TAF2: variants seen among roughly 807,000 people sequenced by gnomAD.
TAF2 encodes transcription initiation factor TFIID subunit 2.
Under a neutral mutation model 138.5 loss-of-function variants are expected in TAF2, and 61 were observed. That is an observed-to-expected ratio of 0.44 (90% CI 0.36 to 0.54). The LOEUF (loss-of-function observed/expected upper bound fraction) is 0.54. TAF2 is among the 20% of genes least tolerant of loss of function. TAF2 has a pLI of 0.00. For synonymous variants in TAF2, 475 were observed against 469.9 expected (o/e 1.01, Z -0.14); for missense variants, 1,090 against 1,427.9 (o/e 0.76, Z 3.81).
chr8:119,787,056 G>T (rs925296800), intron 14 of TAF2, among the ~76,000 whole-genome samples: 1 of 152,174 alleles, frequency 6.6e-6, no homozygotes, highest in African/African-American at 2.4e-5. Context: ...TGACAAATGG[G>T]ATCTAATGAA....
At position 119,832,837 on chromosome 8, in the gene TAF2, C is replaced by T. The variant is rs1263151499; in HGVS notation, c.-273G>A. ...CCATCCGCCGACATCTTGTCTGTAA[C>T]CTCTGACCTCCGACGTCAGCGGAAG... On this transcript the variant is annotated 5_prime_UTR_variant, in exon 1 of 26. Transcript: ENST00000378164. 9.6e-6 allele frequency: 4 copies of T among 418,788 alleles called. No individual in the cohort carries two copies. The highest frequency in any genetic ancestry group is 8.1e-5 in the African/African-American group (4 of 49,520). The allele number at this position is 418,788 out of a possible 1,614,324, so 25.9% of individuals were successfully genotyped here. A position where few individuals can be genotyped will look rare whatever the true frequency, so the allele number is the denominator to read the frequency against.
At chr8:119,832,277 T>C (rs903436652) in intron 1 of TAF2, among the ~76,000 whole-genome samples, 1 of 152,158 alleles carries the variant, frequency 6.6e-6, no homozygotes, top group East Asian at 1.9e-4. Context: ...ACAAAAACTT[T>C]AGTAACTTGC....
chr8:119,800,378 C>T (rs368539017), intron 6 of TAF2, among the ~76,000 whole-genome samples: 143 of 152,218 alleles, frequency 9.4e-4, no homozygotes, highest in African/African-American at 3.4e-3. Flanking sequence ...CCAGTTTTCC[C>T]AGCACCATTT....
intron 25 of TAF2, among the ~76,000 whole-genome samples, chr8:119,737,667 C>A (rs1382894761): frequency 6.6e-6 from 1 of 151,820 alleles, no homozygotes; most frequent in Non-Finnish European, 1.5e-5. Context: ...TACCACCATG[C>A]CCAGCTAATT....
At chr8:119,816,180 A>G (rs1825459741) in intron 3 of TAF2, among the ~76,000 whole-genome samples, 1 of 150,984 alleles carries the variant, frequency 6.6e-6, no homozygotes, top group South Asian at 2.1e-4. Flanking sequence ...CCTCCCAAGT[A>G]GCTGGGACTA....
rs1818919605 is a variant in TAF2, at chr8:119,732,164, C to T, written c.3360G>A (p.Glu1120=). Residue 1120 remains glutamate, a synonymous_variant, in exon 26 of 26, where the codon GAG becomes GAA. Coordinates refer to ENST00000378164, the MANE Select transcript of TAF2 (RefSeq NM_003184.4). ...KGTGKEQAPL[E]MSMHPAASAP... ...CGCTTGCCGCTGGATGCATACTCAT[C>T]TCCAAAGGTGCTTGTTCTTTACCTT... 6.2e-7 allele frequency: 1 copy of T among 1,614,174 alleles called. No homozygotes were observed. The highest frequency in any genetic ancestry group is 8.5e-7 in the Non-Finnish European group (1 of 1,180,018).
chr8:119,734,237 T>C lies in TAF2; in HGVS notation c.3338-2051A>G, dbSNP rs533438975. 9.3e-4 allele frequency among the ~76,000 whole-genome samples: 141 copies of C among 152,304 alleles called. 1 individual carries two copies. The highest frequency in any genetic ancestry group is 3.2e-3 in the African/African-American group (135 of 41,564). ...ACTGACAGTACAAAAGATAAACTCC[T>C]TGGACTTCAGTGAAGGAATTTCTGA... On this transcript the variant is annotated intron_variant, in intron 25 of 25. Coordinates refer to ENST00000378164, the MANE Select transcript of TAF2 (RefSeq NM_003184.4).
At chr8:119,815,757 G>A (rs1825421005) in intron 3 of TAF2, among the ~76,000 whole-genome samples, 1 of 152,158 alleles carries the variant, frequency 6.6e-6, no homozygotes, top group Admixed American at 6.5e-5. Flanking sequence ...TGTAGCTCCT[G>A]TGGAGACAAT....
chr8:119,788,411 A>G lies in TAF2; in HGVS notation c.1720T>C (p.Ser574Pro). 1.2e-6 allele frequency: 2 copies of G among 1,613,526 alleles called. No homozygotes were observed. Among genetic ancestry groups the G allele is most frequent in the South Asian group, 2.2e-5 (2 of 91,060 alleles). ...LKVTVQELDGSFNHTLQIEEN... is the reference protein window; with the variant it reads ...LKVTVQELDGPFNHTLQIEEN... ...TCAATTTGCAGTGTATGATTGAAGG[A>G]TCCATCTAACTCCTGCACTGTCACT... Residue 574 changes from serine (S) to proline (P), a missense_variant, in exon 14 of 26, where the codon TCC becomes CCC. Ser to Pro is a moderately conservative substitution (Grantham distance 74, BLOSUM62 -1). Transcript: ENST00000378164.
chr8:119,796,474 G>A lies in TAF2; in HGVS notation c.1091+516C>T, dbSNP rs907437399. ...TCTTTCAACAAACTGGTACAAAGCT[G>A]AGCACTAGTAGGCAAATCCCTAAAT... On this transcript the variant is annotated intron_variant, in intron 8 of 25. Coordinates refer to ENST00000378164, the MANE Select transcript of TAF2 (RefSeq NM_003184.4). Among the ~76,000 whole-genome samples the A allele has an allele frequency of 1.7e-4, 26 of 152,062 alleles. 1 individual carries two copies. The highest frequency in any genetic ancestry group is 5.1e-4 in the African/African-American group (21 of 41,426).
intron 2 of TAF2, among the ~76,000 whole-genome samples, chr8:119,827,169 A>G (rs1826155183): frequency 6.6e-6 from 1 of 152,106 alleles, no homozygotes; most frequent in Non-Finnish European, 1.5e-5. Flanking sequence ...ACTCCAGCCT[A>G]GGCGACAGTG....
rs1265821873 is a variant in TAF2, at chr8:119,731,263, C to CA, written c.*660dup. The CA allele has an allele frequency of 5.9e-5, 9 of 152,210 alleles. No homozygotes were observed. The highest frequency in any genetic ancestry group is 4.2e-4 in the South Asian group (2 of 4,816). The allele number at this position is 152,210 out of a possible 1,614,324, so 9.4% of individuals were successfully genotyped here. A position where few individuals can be genotyped will look rare whatever the true frequency, so the allele number is the denominator to read the frequency against. On this transcript the variant is annotated 3_prime_UTR_variant, in exon 26 of 26. Coordinates refer to ENST00000378164, the MANE Select transcript of TAF2 (RefSeq NM_003184.4). ...TGGATTTGATAGTTCTGCTAAATTC[C>CA]AACATCGTAACCGCCGAATGTGTTA...
At chr8:119,795,247 C>A (rs1313125702) in intron 9 of TAF2, among the ~76,000 whole-genome samples, 1 of 152,126 alleles carries the variant, frequency 6.6e-6, no homozygotes, top group East Asian at 1.9e-4. Context: ...ATTTAGGAAG[C>A]ACAGTTACAA....
chr8:119,757,586 A>ATT (rs755457771), intron 21 of TAF2, among the ~76,000 whole-genome samples: 3 of 139,374 alleles, frequency 2.2e-5, no homozygotes, highest in Admixed American at 1.4e-4. Context: ...TCTGCTAATA[A>ATT]TTTTTTTTTT....
At chr8:119,823,899 G>C (rs1716870586) in intron 2 of TAF2, among the ~76,000 whole-genome samples, 1 of 152,180 alleles carries the variant, frequency 6.6e-6, no homozygotes, top group Admixed American at 6.5e-5. Context: ...AACTTGTTGG[G>C]AACTAAAGCA....
At chr8:119,747,974 A>T (rs932485109) in intron 22 of TAF2, among the ~76,000 whole-genome samples, 9 of 152,186 alleles carry the variant, frequency 5.9e-5, no homozygotes, top group African/African-American at 1.9e-4. Context: ...AAATACAAAA[A>T]TTAGCTGGGT....
chr8:119,806,476 T>A lies in TAF2; in HGVS notation c.300-75A>T, dbSNP rs763656434. 1.0e-4 allele frequency: 97 copies of A among 972,952 alleles called. 1 individual carries two copies. Among genetic ancestry groups the A allele is most frequent in the Non-Finnish European group, 1.4e-4 (92 of 664,552 alleles). The allele number at this position is 972,952 out of a possible 1,614,324, so 60.3% of individuals were successfully genotyped here. ...AAGCATTTTTCTTTCTTTCTTTTTTTTTTTTTTTTTTTAGATGAAGTCTCA... is the reference window on the plus strand; with the variant it reads ...AAGCATTTTTCTTTCTTTCTTTTTTATTTTTTTTTTTTAGATGAAGTCTCA... On this transcript the variant is annotated intron_variant, in intron 3 of 25. Coordinates refer to ENST00000378164, the MANE Select transcript of TAF2 (RefSeq NM_003184.4).
At chr8:119,746,972 CATTG>C (rs757598810) in intron 22 of TAF2, 38 bp from the exon 23 acceptor site, 1 of 1,575,930 alleles carries the variant, frequency 6.3e-7, no homozygotes, top group South Asian at 1.1e-5. Flanking sequence ...TCAATATGCA[CATTG>C]ATTCATACAT....
chr8:119,826,902 A>G (rs1826137817), intron 2 of TAF2, among the ~76,000 whole-genome samples: 1 of 152,116 alleles, frequency 6.6e-6, no homozygotes, highest in East Asian at 1.9e-4. Context: ...TTCTTAAGAT[A>G]TGTTTTTCAG....
Sources: allele counts gnomAD v4.1 joint callset (sites outside exome capture counted in the v4.1 genomes callset), GRCh38; gene constraint gnomAD v4.1.1; transcripts MANE v1.5; gene names NCBI Gene and HGNC (gene_info 2026-07-23, HGNC 2026-07-21).